The following OPCML variants were observed in gnomAD, a reference collection of about 807,000 sequenced individuals.
The protein encoded by OPCML is opioid binding protein/cell adhesion molecule like.
In OPCML, 13 loss-of-function variants were observed where a neutral mutation model predicts 37.8. That is an observed-to-expected ratio of 0.34 (90% CI 0.22 to 0.55). The LOEUF is 0.55. Among genes scored for constraint, OPCML ranks in the 20% least tolerant of loss-of-function variants. The probability of loss-of-function intolerance (pLI) is 0.91; values close to 1 mark genes in which losing one functional copy is unlikely to be tolerated. For missense variants in OPCML, 341 were observed against 435.6 expected (o/e 0.78, Z 1.93); for synonymous variants, 176 against 168.8 (o/e 1.04, Z -0.33).
chr11:132,795,316 T>A (rs1938241806), intron 2 of OPCML, among the ~76,000 whole-genome samples: 1 of 152,230 alleles, frequency 6.6e-6, no homozygotes, highest in Admixed American at 6.5e-5. Context: ...TTCTGGAGTT[T>A]TTGTTTGTTT....
chr11:132,451,220 A>C (rs942204912), intron 4 of OPCML, among the ~76,000 whole-genome samples: 14 of 152,176 alleles, frequency 9.2e-5, no homozygotes, highest in African/African-American at 3.4e-4. Flanking sequence ...ATTATTACTG[A>C]GCTGAACATA....
intron 2 of OPCML, among the ~76,000 whole-genome samples, chr11:132,882,972 C>A (rs988598805): frequency 6.6e-6 from 1 of 151,970 alleles, no homozygotes; most frequent in Non-Finnish European, 1.5e-5. Flanking sequence ...TGAATAAGTC[C>A]AAAAATATAC....
intron 1 of OPCML, among the ~76,000 whole-genome samples, chr11:133,052,664 G>GTGTGTCCT (rs1948152911): frequency 6.6e-6 from 1 of 152,214 alleles, no homozygotes; most frequent in Non-Finnish European, 1.5e-5. Flanking sequence ...TGAGAACACT[G>GTGTGTCCT]TGTGTCCTTG....
intron 1 of OPCML, among the ~76,000 whole-genome samples, chr11:133,458,572 C>A (rs1187426123): frequency 1.0e-5 from 1 of 97,146 alleles, no homozygotes; most frequent in Non-Finnish European, 1.7e-5. Context: ...CACATATATA[C>A]ACGTGTGTGT....
chr11:133,185,721 G>A (rs1462529252), intron 1 of OPCML, among the ~76,000 whole-genome samples: 5 of 152,172 alleles, frequency 3.3e-5, no homozygotes, highest in Non-Finnish European at 7.3e-5. Flanking sequence ...ACCGCTCATC[G>A]TTGATCTGGT....
chr11:132,618,739 C>T (rs543175054), intron 3 of OPCML, among the ~76,000 whole-genome samples: 10 of 152,194 alleles, frequency 6.6e-5, no homozygotes, highest in Non-Finnish European at 1.2e-4. Context: ...GCATTAATTA[C>T]ATTTAAAATA....
At chr11:132,613,427 A>G (rs957570726) in intron 3 of OPCML, among the ~76,000 whole-genome samples, 1 of 152,212 alleles carries the variant, frequency 6.6e-6, no homozygotes, top group African/African-American at 2.4e-5. Context: ...TAAACTCAAA[A>G]CATGCATACG....
chr11:133,103,600 C>T (rs999991943), intron 1 of OPCML, among the ~76,000 whole-genome samples: 12 of 152,340 alleles, frequency 7.9e-5, no homozygotes, highest in African/African-American at 2.6e-4. Context: ...TTGCAGTAGA[C>T]ATTTTTAAGC....
At chr11:132,789,203 C>T (rs917546297) in intron 2 of OPCML, among the ~76,000 whole-genome samples, 5 of 152,156 alleles carry the variant, frequency 3.3e-5, no homozygotes, top group Admixed American at 6.5e-5. Flanking sequence ...GATAACACCC[C>T]ACATAATGTC....
At chr11:132,576,693 T>C (rs1370486182) in intron 3 of OPCML, among the ~76,000 whole-genome samples, 1 of 152,178 alleles carries the variant, frequency 6.6e-6, no homozygotes, top group Non-Finnish European at 1.5e-5. Flanking sequence ...TGACTCTTTA[T>C]GTTGGTGTCT....
intron 1 of OPCML, among the ~76,000 whole-genome samples, chr11:133,000,131 A>G (rs1321008138): frequency 6.6e-6 from 1 of 151,926 alleles, no homozygotes; most frequent in East Asian, 1.9e-4. Flanking sequence ...ATCTCGGCTC[A>G]CTGCAACCTC....
intron 2 of OPCML, among the ~76,000 whole-genome samples, chr11:132,659,663 A>G (rs1941867215): frequency 6.6e-6 from 1 of 152,120 alleles, no homozygotes; most frequent in Non-Finnish European, 1.5e-5. Context: ...TGGCCTTTAG[A>G]ACATATTCAC....
chr11:132,810,274 G>A (rs1274144673), intron 2 of OPCML, among the ~76,000 whole-genome samples: 3 of 152,200 alleles, frequency 2.0e-5, no homozygotes, highest in Admixed American at 1.3e-4. Context: ...GTCTCATTCT[G>A]CTCTGGGCAT....
intron 2 of OPCML, among the ~76,000 whole-genome samples, chr11:132,942,043 T>C (rs1945596273): frequency 6.6e-6 from 1 of 152,162 alleles, no homozygotes. Flanking sequence ...CTGTGTACAT[T>C]GTGAGACATA....
chr11:132,872,834 C>T (rs1328916279), intron 2 of OPCML, among the ~76,000 whole-genome samples: 1 of 151,664 alleles, frequency 6.6e-6, no homozygotes. Flanking sequence ...CTTTTCCTGT[C>T]ATGCCACCTT....
At chr11:132,831,759 G>A (rs566995796) in intron 2 of OPCML, among the ~76,000 whole-genome samples, 65 of 147,072 alleles carry the variant, frequency 4.4e-4, no homozygotes, top group Non-Finnish European at 8.0e-4. Context: ...ACACTTTAAA[G>A]TTAGGCTGTC....
intron 1 of OPCML, among the ~76,000 whole-genome samples, chr11:132,999,955 C>A (rs2136842699): frequency 6.6e-6 from 1 of 152,346 alleles, no homozygotes; most frequent in East Asian, 1.9e-4. Context: ...CTCAGCCCAC[C>A]AGACCTGGAA....
At position 133,318,979 on chromosome 11, in the gene OPCML, ATCACACCACTG is replaced by A. The variant is rs553905011; in HGVS notation, c.61+213274_61+213284del. 4.3e-3 allele frequency among the ~76,000 whole-genome samples: 652 copies of A among 151,880 alleles called. 4 individuals carry two copies. Among genetic ancestry groups the A allele is most frequent in the African/African-American group, 0.013 (545 of 41,378 alleles). On this transcript the variant is annotated intron_variant, in intron 1 of 7. Transcript: ENST00000524381. Reference sequence around the variant, plus strand: ...GAGACAGAGGTTGCAGTGAGCCGAGATCACACCACTGCACTCCAGCCTGGGTGACAGAGGGT... The same window carrying A: ...GAGACAGAGGTTGCAGTGAGCCGAGACACTCCAGCCTGGGTGACAGAGGGT...
At chr11:132,816,402 T>G (rs2136236700) in intron 2 of OPCML, among the ~76,000 whole-genome samples, 1 of 152,352 alleles carries the variant, frequency 6.6e-6, no homozygotes, top group African/African-American at 2.4e-5. Context: ...CAATAAAACT[T>G]TATTTACAGA....
Sources: allele counts gnomAD v4.1 joint callset (sites outside exome capture counted in the v4.1 genomes callset), GRCh38; gene constraint gnomAD v4.1.1; transcripts MANE v1.5; gene names NCBI Gene and HGNC (gene_info 2026-07-23, HGNC 2026-07-21).